CDK19: variants seen among roughly 807,000 people sequenced by gnomAD.
The protein encoded by CDK19 is cyclin-dependent kinase 19.
Under a neutral mutation model 68.3 loss-of-function variants are expected in CDK19, and 20 were observed. The observed-to-expected ratio is 0.29, with a 90% CI of 0.21 to 0.43. CDK19 has a LOEUF of 0.43. Ranked by LOEUF, CDK19 falls within the 20% of genes least tolerant of loss-of-function variation. The pLI, the probability that CDK19 is intolerant of heterozygous loss-of-function variation, is 1.00. For synonymous variants in CDK19, 221 were observed against 222.8 expected (o/e 0.99, Z 0.07); for missense variants, 339 against 623.5 (o/e 0.54, Z 4.86).
Position 110,621,967 on chromosome 6 carries a change from T to C in CDK19, c.1110+121A>G, listed in dbSNP as rs1246438305. 5 of 550,870 alleles carry C rather than the reference T, an allele frequency of 9.1e-6. No homozygotes were observed. The highest frequency in any genetic ancestry group is 7.8e-5 in the African/African-American group (4 of 51,194). 34.1% of individuals were successfully genotyped at this position (550,870 alleles called of 1,614,324 possible). A position where few individuals can be genotyped will look rare whatever the true frequency, so the allele number is the denominator to read the frequency against. On this transcript the variant is annotated intron_variant, in intron 11 of 12. Coordinates refer to ENST00000368911, the MANE Select transcript of CDK19 (RefSeq NM_015076.5). This position sits in a 1 kb window ranked among gnomAD's most constrained non-coding sequence, Gnocchi z 5.4. ...AAACTTCCACAGAAAATAAGATACA[T>C]TCAAATTTAATTAAATATTAGAAAA...
chr6:110,701,534 A>C (rs75991227), intron 2 of CDK19, among the ~76,000 whole-genome samples: 158 of 151,416 alleles, frequency 1.0e-3, no homozygotes, highest in Non-Finnish European at 1.8e-3. Flanking sequence ...CCTGGGCAAC[A>C]GAGCAAGACT....
At chr6:110,639,818 G>A (rs1582745976) in intron 4 of CDK19, among the ~76,000 whole-genome samples, 1 of 152,280 alleles carries the variant, frequency 6.6e-6, no homozygotes, top group Admixed American at 6.5e-5. Context: ...TCCATTAGAC[G>A]GATATGAAAA....
intron 2 of CDK19, among the ~76,000 whole-genome samples, chr6:110,741,008 A>C (rs759699594): frequency 6.6e-6 from 1 of 152,208 alleles, no homozygotes; most frequent in African/African-American, 2.4e-5. Context: ...CAGACAATTA[A>C]GAGTATCCAG....
chr6:110,713,478 C>CAAAA (rs33973234), intron 2 of CDK19, among the ~76,000 whole-genome samples: 4 of 129,592 alleles, frequency 3.1e-5, no homozygotes, highest in African/African-American at 8.7e-5. Context: ...CCTCTTGTCT[C>CAAAA]AAAAAAAAAA....
At position 110,628,781 on chromosome 6, in the gene CDK19, C is replaced by T. The variant is rs74874201; in HGVS notation, c.647-1636G>A. On this transcript the variant is annotated intron_variant, in intron 6 of 12. Transcript: ENST00000368911. ...CAGTAATGCCTTACTTATTTGACCA[C>T]ATTCAGGTACAGTTTCCTTCCACAT... Among the ~76,000 whole-genome samples the T allele has an allele frequency of 7.6e-3, 1,156 of 152,316 alleles. 14 individuals are homozygous for T. The highest frequency in any genetic ancestry group is 0.027 in the African/African-American group (1,103 of 41,572).
intron 2 of CDK19, among the ~76,000 whole-genome samples, chr6:110,713,413 C>T (rs1775111292): frequency 8.3e-6 from 1 of 120,424 alleles, no homozygotes; most frequent in African/African-American, 3.3e-5. Flanking sequence ...GCCTGGGTGA[C>T]AGAGAGAGAC....
chr6:110,808,311 G>A (rs1025319469), intron 1 of CDK19, among the ~76,000 whole-genome samples: 1 of 151,874 alleles, frequency 6.6e-6, no homozygotes, highest in Non-Finnish European at 1.5e-5. Context: ...TCAGATCACT[G>A]CAGAAAGTTC....
chr6:110,637,896 T>C (rs1006095977), intron 5 of CDK19, among the ~76,000 whole-genome samples: 11 of 152,124 alleles, frequency 7.2e-5, no homozygotes, highest in Non-Finnish European at 1.5e-4. Flanking sequence ...GCAGGGAGAA[T>C]TGCTTGAACC....
At chr6:110,631,297 T>TTCCTTCCTTTAAAGAAATCTC (rs1779421612) in intron 6 of CDK19, among the ~76,000 whole-genome samples, 2 of 152,222 alleles carry the variant, frequency 1.3e-5, no homozygotes, top group Non-Finnish European at 2.9e-5. Context: ...CTCTCTCCTT[T>TTCCTTCCTTTAAAGAAATCTC]TCCTTCCTTT....
chr6:110,664,973 C>T (rs1781834216), intron 4 of CDK19, among the ~76,000 whole-genome samples: 1 of 152,142 alleles, frequency 6.6e-6, no homozygotes, highest in South Asian at 2.1e-4. Flanking sequence ...AGACAGGGAA[C>T]ACTCAATAGT....
At chr6:110,672,686 A>T (rs1771123008) in intron 2 of CDK19, among the ~76,000 whole-genome samples, 1 of 152,228 alleles carries the variant, frequency 6.6e-6, no homozygotes, top group African/African-American at 2.4e-5. Context: ...CACAAAAGAT[A>T]GCATAATATA....
intron 1 of CDK19, among the ~76,000 whole-genome samples, chr6:110,804,827 G>A (rs1182225319): frequency 6.6e-6 from 1 of 151,514 alleles, no homozygotes; most frequent in East Asian, 2.0e-4. Flanking sequence ...GTGGTGGCGA[G>A]CGTCTGTAGT....
chr6:110,620,968 C>T, intron 12 of CDK19, 136 bp downstream of exon 12: 1 of 756,880 alleles, frequency 1.3e-6, no homozygotes, highest in Non-Finnish European at 2.1e-6. Flanking sequence ...GAAAATCTTC[C>T]TCTTCATAGA....
Position 110,796,956 on chromosome 6 carries a change from G to A in CDK19, c.128+18053C>T, listed in dbSNP as rs9400419. Among the ~76,000 whole-genome samples the A allele has an allele frequency of 0.022, 3,238 of 148,996 alleles. 343 individuals are homozygous for A. The East Asian group carries it at 0.35, about 16-fold the overall frequency. ...ACCCAGGAGGCAGAGGTTGCAGTGAGCCAAGATTGTGCCACTGCACTCCAG... is the reference window on the plus strand; with the variant it reads ...ACCCAGGAGGCAGAGGTTGCAGTGAACCAAGATTGTGCCACTGCACTCCAG... On this transcript the variant is annotated intron_variant, in intron 1 of 12. Coordinates refer to ENST00000368911, the MANE Select transcript of CDK19 (RefSeq NM_015076.5).
At chr6:110,815,786 A>G (rs552826855), upstream of CDK19, 6 of 152,468 alleles carry the variant, frequency 3.9e-5, no homozygotes, top group Non-Finnish European at 8.8e-5. Context: ...CGCAGAGAGT[A>G]TGGAAAGCAT....
At chr6:110,674,732 C>T (rs1010659949) in intron 2 of CDK19, among the ~76,000 whole-genome samples, 1 of 152,032 alleles carries the variant, frequency 6.6e-6, no homozygotes, top group Non-Finnish European at 1.5e-5. Flanking sequence ...GAAACCCCGT[C>T]TCTACTAAAA....
chr6:110,663,503 TCA>T (rs200690721), intron 4 of CDK19, among the ~76,000 whole-genome samples: 1,585 of 152,296 alleles, frequency 0.01, 24 homozygotes, highest in African/African-American at 0.036. Context: ...GAAGAGGCTA[TCA>T]CAGACTAGAT....
intron 5 of CDK19, among the ~76,000 whole-genome samples, chr6:110,635,633 G>A (rs973865955): frequency 6.6e-6 from 1 of 152,186 alleles, no homozygotes; most frequent in Admixed American, 6.5e-5. Flanking sequence ...TCCGCCTCCC[G>A]GGTTCAAGCA....
chr6:110,621,002 A>T lies in CDK19; in HGVS notation c.1377+102T>A. ...GAATGCCCTAGAAACAGGATTGCAC[A>T]GTCAAATGTAAGAGTTAAGTGTTAC... On this transcript the variant is annotated intron_variant, in intron 12 of 12. Transcript: ENST00000368911. The surrounding 1 kb of genome is among the most constrained non-coding windows in gnomAD (Gnocchi z 5.4). The T allele has an allele frequency of 9.1e-7, 1 of 1,099,052 alleles. No homozygotes were observed. The highest frequency in any genetic ancestry group is 1.3e-6 in the Non-Finnish European group (1 of 768,006). 68.1% of individuals were successfully genotyped at this position (1,099,052 alleles called of 1,614,324 possible).
Sources: gnomAD v4.1 joint callset for allele counts (sites outside exome capture counted in the v4.1 genomes callset) on GRCh38, gnomAD v4.1.1 for gene constraint, Gnocchi (gnomAD v3.1) non-coding constraint, MANE v1.5 for transcripts, NCBI Gene and HGNC (gene_info 2026-07-23, HGNC 2026-07-21) for gene names.